ATF7: variants seen among roughly 807,000 people sequenced by gnomAD.
The protein encoded by ATF7 is activating transcription factor 7.
Under a neutral mutation model 50.4 loss-of-function variants are expected in ATF7, and 10 were observed. The observed-to-expected ratio is 0.20, with a 90% confidence interval of 0.12 to 0.34. ATF7 has a LOEUF of 0.34. Ranked by LOEUF, ATF7 falls within the 10% of genes least tolerant of loss-of-function variation. ATF7 has a pLI of 1.00. For missense variants in ATF7, 465 were observed against 613.9 expected (o/e 0.76, Z 2.56); for synonymous variants, 201 against 226.4 (o/e 0.89, Z 1.01).
intron 2 of ATF7, among the ~76,000 whole-genome samples, chr12:53,588,065 G>A (rs540418484): frequency 6.6e-6 from 1 of 151,860 alleles, no homozygotes; most frequent in Admixed American, 6.6e-5. Flanking sequence ...GGCCAGGATG[G>A]TCTCGAACTC....
Position 53,568,400 on chromosome 12 carries a change from A to ACT in ATF7, c.49-15765_49-15764dup, listed in dbSNP as rs370625381. The stretch of plus-strand genomic sequence containing the variant: ...GTTTACAAGGAGATTACGCACACAC[A>ACT]CTCTCTCTCTCTCTTTCTCTCTCTC... On this transcript the variant is annotated intron_variant, in intron 2 of 11. Coordinates refer to ENST00000420353, the MANE Select transcript of ATF7 (RefSeq NM_006856.3). 6.7e-3 allele frequency among the ~76,000 whole-genome samples: 1,015 copies of ACT among 151,250 alleles called. 10 individuals carry two copies. Among genetic ancestry groups the ACT allele is most frequent in the African/African-American group, 0.024 (968 of 41,172 alleles).
At chr12:53,541,329 T>C (rs1939539396) in intron 4 of ATF7, among the ~76,000 whole-genome samples, 2 of 152,312 alleles carry the variant, frequency 1.3e-5, no homozygotes, top group South Asian at 4.1e-4. Context: ...TTAATGTGTT[T>C]ATATATATGT....
chr12:53,537,994 G>T (rs1030185489), intron 4 of ATF7, among the ~76,000 whole-genome samples: 2 of 152,158 alleles, frequency 1.3e-5, no homozygotes, highest in Non-Finnish European at 2.9e-5. Flanking sequence ...TTACAGGAAT[G>T]AGCCACTGCA....
chr12:53,548,559 C>T (rs1940102278), intron 3 of ATF7, among the ~76,000 whole-genome samples: 1 of 152,136 alleles, frequency 6.6e-6, no homozygotes, highest in Non-Finnish European at 1.5e-5. Flanking sequence ...CCTCTAACTC[C>T]TGGGCTCAAG....
intron 9 of ATF7, among the ~76,000 whole-genome samples, chr12:53,531,292 G>C (rs955069116): frequency 5.9e-5 from 9 of 151,874 alleles, no homozygotes; most frequent in Non-Finnish European, 8.8e-5. Context: ...CATGGTGGTG[G>C]GTGCCTGTAA....
downstream of ATF7, among the ~76,000 whole-genome samples, chr12:53,510,529 G>GTGAA (rs1300957429): frequency 0.016 from 2,361 of 152,276 alleles, 52 homozygotes; most frequent in African/African-American, 0.055. Flanking sequence ...TGTAATCCTA[G>GTGAA]CTCTTGCACT....
At chr12:53,622,308 AAT>A (rs1376453763) in intron 1 of ATF7, among the ~76,000 whole-genome samples, 3 of 2,326 alleles carry the variant, frequency 1.3e-3, no homozygotes, top group East Asian at 0.12. Context: ...TCTCAAAAAT[AAT>A]AATAATAATA....
intron 3 of ATF7, among the ~76,000 whole-genome samples, chr12:53,551,615 C>G (rs143268358): frequency 3.9e-5 from 6 of 152,294 alleles, no homozygotes; most frequent in Admixed American, 6.5e-5. Flanking sequence ...AATAGGAGGT[C>G]TGTAAAGGCA....
chr12:53,534,580 C>T lies in ATF7; in HGVS notation c.482G>A (p.Gly161Asp), dbSNP rs747554656. Reference protein sequence around the residue: ...VRPGSLPLHLGYDPLHPTLPS... With the variant: ...VRPGSLPLHLDYDPLHPTLPS... ...AAGGGTTGGATGAAGTGGATCATAGCCCAAGTGGAGAGGCAGGGAGCCAGG... is the reference window on the plus strand; with the variant it reads ...AAGGGTTGGATGAAGTGGATCATAGTCCAAGTGGAGAGGCAGGGAGCCAGG... The change falls in exon 6 of 12, where the codon GGC (glycine) becomes GAC (aspartate). Residue 161 changes from glycine to aspartate, a missense_variant. By Grantham distance (94) the Gly-to-Asp change is moderately conservative. Transcript: ENST00000420353. 2.0e-5 allele frequency: 32 copies of T among 1,613,598 alleles called. No homozygotes were observed. The highest frequency in any genetic ancestry group is 2.7e-5 in the Non-Finnish European group (32 of 1,179,842).
intron 11 of ATF7, among the ~76,000 whole-genome samples, chr12:53,523,006 G>T (rs1337947825): frequency 6.6e-6 from 1 of 152,238 alleles, no homozygotes; most frequent in Non-Finnish European, 1.5e-5. Context: ...TTTCATGAGA[G>T]ACTTGGGAAG....
chr12:53,555,525 C>T (rs1168491390), intron 2 of ATF7, among the ~76,000 whole-genome samples: 4 of 102,342 alleles, frequency 3.9e-5, no homozygotes, highest in Non-Finnish European at 7.0e-5. Flanking sequence ...TTTTGTGAGA[C>T]GGAGTCTCGC....
At chr12:53,596,967 C>A (rs758522777) in intron 2 of ATF7, among the ~76,000 whole-genome samples, 3 of 152,284 alleles carry the variant, frequency 2.0e-5, no homozygotes, top group African/African-American at 2.4e-5. Flanking sequence ...ACAACACTAA[C>A]CCCATTCTCA....
At chr12:53,532,487 G>A (rs1483789646) in intron 8 of ATF7, 23 bp downstream of exon 8, 1 of 1,528,070 alleles carries the variant, frequency 6.5e-7, no homozygotes, top group East Asian at 2.4e-5. Context: ...GGCCAACATT[G>A]CCCCAGACTG....
At chr12:53,596,415 G>A (rs989952977) in intron 2 of ATF7, among the ~76,000 whole-genome samples, 2 of 152,182 alleles carry the variant, frequency 1.3e-5, no homozygotes, top group Non-Finnish European at 2.9e-5. Context: ...TCTCCTCAGA[G>A]GAAATGCGTT....
chr12:53,525,923 C>T (rs1938424066), intron 9 of ATF7, among the ~76,000 whole-genome samples: 1 of 152,088 alleles, frequency 6.6e-6, no homozygotes. Flanking sequence ...ATAAGTTATA[C>T]CGACCAGCTG....
chr12:53,520,993 A>ATTT (rs11453651), intron 11 of ATF7, among the ~76,000 whole-genome samples: 32 of 139,212 alleles, frequency 2.3e-4, no homozygotes, highest in Middle Eastern at 7.6e-3. Flanking sequence ...AGTCAGATCA[A>ATTT]TTTTTTTTTT....
intron 5 of ATF7, among the ~76,000 whole-genome samples, chr12:53,535,618 T>C (rs549879653): frequency 5.1e-4 from 78 of 152,298 alleles, no homozygotes; most frequent in African/African-American, 1.7e-3. Context: ...ACAATTTATA[T>C]ACTTTTCTGT....
chr12:53,549,209 C>T (rs1408840365), intron 3 of ATF7, among the ~76,000 whole-genome samples: 1 of 150,530 alleles, frequency 6.6e-6, no homozygotes, highest in African/African-American at 2.4e-5. Flanking sequence ...ATGGCATGAA[C>T]CCGGGAAGCG....
chr12:53,542,967 G>A (rs1388428479), intron 4 of ATF7: 3 of 1,151,408 alleles, frequency 2.6e-6, no homozygotes, highest in South Asian at 5.9e-5. Context: ...GCTCAGAAAA[G>A]AGTGGAATTT....
Sources: allele counts gnomAD v4.1 joint callset (sites outside exome capture counted in the v4.1 genomes callset), GRCh38; gene constraint gnomAD v4.1.1; transcripts MANE v1.5; gene names NCBI Gene and HGNC (gene_info 2026-07-23, HGNC 2026-07-21).